Variants in TLL2 observed in about 807,000 individuals in gnomAD.
The protein encoded by TLL2 is tolloid-like protein 2.
A neutral mutation model predicts 123.0 loss-of-function variants in TLL2; 106 were observed. The observed-to-expected ratio is 0.86, with a 90% CI of 0.74 to 1.01. The LOEUF (loss-of-function observed/expected upper bound fraction) is 1.01. Among genes scored for constraint, TLL2 ranks in the 50% least tolerant of loss-of-function variants. TLL2 has a pLI of 0.00. For synonymous variants in TLL2, 494 were observed against 516.8 expected (o/e 0.96, Z 0.60); for missense variants, 1,332 against 1,336.7 (o/e 1.00, Z 0.06).
At chr10:96,502,175 C>T (rs990039073) in intron 1 of TLL2, among the ~76,000 whole-genome samples, 2 of 152,028 alleles carry the variant, frequency 1.3e-5, no homozygotes, top group East Asian at 1.9e-4. Context: ...GAAGAAGAAC[C>T]GATGTGAGCT....
At chr10:96,423,246 T>C (rs1334466878) in intron 5 of TLL2, among the ~76,000 whole-genome samples, 1 of 152,188 alleles carries the variant, frequency 6.6e-6, no homozygotes, top group African/African-American at 2.4e-5. Flanking sequence ...TTCTTGAGCT[T>C]TTTGTGGTTA....
intron 4 of TLL2, among the ~76,000 whole-genome samples, chr10:96,432,113 G>C (rs1302627847): frequency 3.3e-5 from 5 of 152,170 alleles, no homozygotes; most frequent in African/African-American, 1.2e-4. Context: ...GCAATGGGAA[G>C]CTGGGGATGA....
At chr10:96,396,091 G>A in intron 11 of TLL2, 71 bp from the exon 12 acceptor site, 1 of 1,556,012 alleles carries the variant, frequency 6.4e-7, no homozygotes, top group Non-Finnish European at 8.7e-7. Flanking sequence ...GAAGGTTGGG[G>A]AGGCGGGGGG....
chr10:96,386,872 G>A, intron 14 of TLL2, 81 bp downstream of exon 14: 1 of 1,582,642 alleles, frequency 6.3e-7, no homozygotes, highest in Non-Finnish European at 8.6e-7. Context: ...ACAGCCAGCT[G>A]GTTGCCCCAT....
At chr10:96,409,134 CA>C (rs952771078) in intron 9 of TLL2, among the ~76,000 whole-genome samples, 2 of 152,240 alleles carry the variant, frequency 1.3e-5, no homozygotes, top group Non-Finnish European at 2.9e-5. Flanking sequence ...AATTCCATCA[CA>C]CCCCACTGCC....
chr10:96,393,811 T>C (rs1846312747), intron 13 of TLL2, among the ~76,000 whole-genome samples: 1 of 151,702 alleles, frequency 6.6e-6, no homozygotes, highest in Non-Finnish European at 1.5e-5. Flanking sequence ...ATGATTCTCC[T>C]CTGCTGCTGT....
intron 1 of TLL2, among the ~76,000 whole-genome samples, chr10:96,487,379 A>G (rs942600785): frequency 7.3e-5 from 11 of 151,058 alleles, no homozygotes; most frequent in African/African-American, 2.7e-4. Context: ...CTCAGCTTCC[A>G]TCACCACTAT....
intron 3 of TLL2, among the ~76,000 whole-genome samples, chr10:96,445,325 G>C (rs1009161225): frequency 1.3e-5 from 2 of 152,192 alleles, no homozygotes; most frequent in African/African-American, 4.8e-5. Context: ...CACTGCTTCT[G>C]AACAGGAGAA....
intron 5 of TLL2, among the ~76,000 whole-genome samples, chr10:96,425,569 T>C (rs764656265): frequency 6.6e-6 from 1 of 151,932 alleles, no homozygotes; most frequent in Non-Finnish European, 1.5e-5. Flanking sequence ...GGCACATTTA[T>C]GTTTAGTCTT....
At chr10:96,406,106 C>G (rs1300739118) in intron 9 of TLL2, among the ~76,000 whole-genome samples, 10 of 152,248 alleles carry the variant, frequency 6.6e-5, no homozygotes, top group Admixed American at 4.6e-4. Context: ...AAATAGGTGA[C>G]TACTTAGTAG....
Position 96,365,811 on chromosome 10 carries a change from A to G in TLL2, c.*2277T>C, listed in dbSNP as rs1173614824. On this transcript the variant is annotated 3_prime_UTR_variant, in exon 21 of 21. Coordinates refer to ENST00000357947, the MANE Select transcript of TLL2 (RefSeq NM_012465.4). Reference sequence around the variant, plus strand: ...AGCTTCTCTTTTCTGTGGATACGTCACACAGAAGGCCTAAATAAAGGTTTT... The same window carrying G: ...AGCTTCTCTTTTCTGTGGATACGTCGCACAGAAGGCCTAAATAAAGGTTTT... 3 of 152,242 alleles carry G rather than the reference A, an allele frequency of 2.0e-5. No individual in the cohort carries two copies. The East Asian group carries it at 5.8e-4, about 29-fold the overall frequency. 9.4% of individuals were successfully genotyped at this position (152,242 alleles called of 1,614,324 possible).
At chr10:96,386,821 T>C (rs1219273294) in intron 14 of TLL2, 132 bp downstream of exon 14, 1 of 1,321,428 alleles carries the variant, frequency 7.6e-7, no homozygotes, top group East Asian at 2.3e-5. Context: ...AGGAAGTAGG[T>C]GGGTCTTCCA....
chr10:96,371,100 T>C (rs1370526757), intron 19 of TLL2, among the ~76,000 whole-genome samples: 1 of 152,030 alleles, frequency 6.6e-6, no homozygotes, highest in African/African-American at 2.4e-5. Flanking sequence ...GACGGGTGGA[T>C]CACTTGAGGT....
At chr10:96,513,423 C>G in intron 1 of TLL2, 88 bp downstream of exon 1, 1 of 1,544,636 alleles carries the variant, frequency 6.5e-7, no homozygotes, top group East Asian at 2.4e-5. Flanking sequence ...GGAGACCCGC[C>G]CCATAGACGG....
chr10:96,470,432 G>A (rs1478852681), intron 2 of TLL2, among the ~76,000 whole-genome samples: 3 of 152,264 alleles, frequency 2.0e-5, no homozygotes, highest in Non-Finnish European at 4.4e-5. Flanking sequence ...AATAAAAGAA[G>A]AAAGGCCAGA....
intron 2 of TLL2, among the ~76,000 whole-genome samples, chr10:96,459,479 G>A (rs1373742001): frequency 6.6e-6 from 1 of 151,050 alleles, no homozygotes; most frequent in Non-Finnish European, 1.5e-5. Flanking sequence ...AGGAGTTTGA[G>A]ACCAGTCTGG....
At chr10:96,426,529 T>G (rs963959997) in intron 5 of TLL2, among the ~76,000 whole-genome samples, 1 of 152,224 alleles carries the variant, frequency 6.6e-6, no homozygotes, top group Non-Finnish European at 1.5e-5. Context: ...TGTGAAACTC[T>G]GGGTCTGGTG....
chr10:96,446,249 G>T, intron 2 of TLL2, 81 bp from the exon 3 acceptor site: 1 of 1,316,612 alleles, frequency 7.6e-7, no homozygotes, highest in South Asian at 1.2e-5. Flanking sequence ...GAGCAAACCT[G>T]GTCACCTGGG....
intron 1 of TLL2, among the ~76,000 whole-genome samples, chr10:96,489,834 C>T (rs11188789): frequency 0.33 from 50,073 of 151,918 alleles, 8,642 homozygotes; most frequent in Middle Eastern, 0.48. Flanking sequence ...CAGTGGCTCA[C>T]GCCTGTAATC....
Sources: gnomAD v4.1 joint callset for allele counts (sites outside exome capture counted in the v4.1 genomes callset) on GRCh38, gnomAD v4.1.1 for gene constraint, MANE v1.5 for transcripts, NCBI Gene and HGNC (gene_info 2026-07-23, HGNC 2026-07-21) for gene names.